ANAPC2: variants seen among roughly 807,000 people sequenced by gnomAD.
ANAPC2 encodes the protein anaphase-promoting complex subunit 2.
Under a neutral mutation model 84.3 loss-of-function variants are expected in ANAPC2, and 29 were observed. The ratio of observed to expected loss-of-function variants is 0.34; its 90% CI spans 0.26 to 0.47. The LOEUF is 0.47. Among genes scored for constraint, ANAPC2 ranks in the 20% least tolerant of loss-of-function variants. The probability of loss-of-function intolerance (pLI) is 1.00; values close to 1 mark genes in which losing one functional copy is unlikely to be tolerated. For missense variants in ANAPC2, 857 were observed against 1,131.7 expected (o/e 0.76, Z 3.48); for synonymous variants, 571 against 479.4 (o/e 1.19, Z -2.50).
chr9:137,184,831 G>A (rs924301358), intron 4 of ANAPC2, 82 bp downstream of exon 4: 4 of 1,535,954 alleles, frequency 2.6e-6, no homozygotes, highest in Non-Finnish European at 3.5e-6. Flanking sequence ...GAGCCCAGAT[G>A]CAGACACAGA....
At chr9:137,182,864 G>A (rs1037768584) in intron 6 of ANAPC2, among the ~76,000 whole-genome samples, 4 of 152,198 alleles carry the variant, frequency 2.6e-5, no homozygotes, top group African/African-American at 9.7e-5. Flanking sequence ...TGCTGGAGAT[G>A]GGGAGGCTGA....
Position 137,174,845 on chromosome 9 carries a change from G to C in ANAPC2, c.*97C>G, listed in dbSNP as rs1834170580. On this transcript the variant is annotated 3_prime_UTR_variant, in exon 13 of 13. Coordinates refer to ENST00000323927, the MANE Select transcript of ANAPC2 (RefSeq NM_013366.4). The surrounding 1 kb of genome is among the most constrained non-coding windows in gnomAD (Gnocchi z 6.1). The stretch of plus-strand genomic sequence containing the variant: ...GTGGGGGTGGGCATGCTCCTCAGCA[G>C]TGCATTCTGGGACACGGGCGGGCGG... 1 of 1,458,162 alleles carries C rather than the reference G, an allele frequency of 6.9e-7. No homozygotes were observed. The highest frequency in any genetic ancestry group is 1.4e-5 in the African/African-American group (1 of 70,532). 90.3% of individuals were successfully genotyped at this position (1,458,162 alleles called of 1,614,324 possible). A position where few individuals can be genotyped will look rare whatever the true frequency, so the allele number is the denominator to read the frequency against.
intron 6 of ANAPC2, among the ~76,000 whole-genome samples, chr9:137,182,434 G>A (rs546749206): frequency 4.6e-5 from 7 of 152,138 alleles, no homozygotes; most frequent in Admixed American, 2.0e-4. Context: ...GCGTGAACCC[G>A]GGAGGCGGAG....
At position 137,185,015 on chromosome 9, in the gene ANAPC2, C is replaced by T. The variant is rs765508257; in HGVS notation, c.946G>A (p.Glu316Lys). Residue 316 changes from glutamate (E) to lysine (K), a missense_variant, in exon 4 of 13, where the codon GAG becomes AAG. Around this residue, in one of 3 missense-constraint regions of ANAPC2, gnomAD observed 428 missense variants for 513.8 expected, o/e 0.83. Coordinates refer to ENST00000323927, the MANE Select transcript of ANAPC2 (RefSeq NM_013366.4). Reference protein sequence around the residue: ...QDGPARPASPEAGNTLRRWRC... With the variant: ...QDGPARPASPKAGNTLRRWRC... The stretch of plus-strand genomic sequence containing the variant: ...CAGCGGCGCAGGGTGTTGCCGGCCT[C>T]GGGAGATGCGGGCCTGGCGGGGCCG... 79 of 1,601,648 alleles carry T rather than the reference C, an allele frequency of 4.9e-5. 1 individual carries two copies. The South Asian group carries it at 5.3e-4, about 11-fold the overall frequency.
At position 137,174,849 on chromosome 9, in the gene ANAPC2, A is replaced by G. The variant is rs1450524404; in HGVS notation, c.*93T>C. On this transcript the variant is annotated 3_prime_UTR_variant, in exon 13 of 13. Transcript: ENST00000323927. This position sits in a 1 kb window ranked among gnomAD's most constrained non-coding sequence, Gnocchi z 6.1. ...GGGTGGGCATGCTCCTCAGCAGTGCATTCTGGGACACGGGCGGGCGGGGGC... is the reference window on the plus strand; with the variant it reads ...GGGTGGGCATGCTCCTCAGCAGTGCGTTCTGGGACACGGGCGGGCGGGGGC... The G allele has an allele frequency of 1.5e-6, 2 of 1,351,292 alleles. No homozygotes were observed. The highest frequency in any genetic ancestry group is 2.0e-6 in the Non-Finnish European group (2 of 1,022,278). 83.7% of individuals were successfully genotyped at this position (1,351,292 alleles called of 1,614,324 possible).
At position 137,175,381 on chromosome 9, in the gene ANAPC2, C is replaced by T. The variant is rs994184647; in HGVS notation, c.2112G>A (p.Val704=). 6.2e-7 allele frequency: 1 copy of T among 1,610,494 alleles called. No homozygotes were observed. The highest frequency in any genetic ancestry group is 8.5e-7 in the Non-Finnish European group (1 of 1,179,186). Residue 704 remains valine (V), a synonymous_variant, in exon 12 of 13, where the codon GTG becomes GTA. Transcript: ENST00000323927. The part of the protein sequence containing the change: ...RRMSVWLQQG[V]LREEPPGTFS... The stretch of plus-strand genomic sequence containing the variant: ...AGGTGCCGGGGGGCTCCTCACGCAG[C>T]ACACCCTGCTGCAGCCACACGGACA...
intron 2 of ANAPC2, chr9:137,186,898 C>T (rs1834483768): frequency 6.1e-6 from 1 of 164,524 alleles, no homozygotes; most frequent in South Asian, 1.6e-4. Flanking sequence ...CTTTAGTCCA[C>T]CTTTAGTCCA....
chr9:137,186,612 T>C lies in ANAPC2; in HGVS notation c.741-256A>G, dbSNP rs1834475377. On this transcript the variant is annotated intron_variant, in intron 2 of 12. Transcript: ENST00000323927. ...CTGGCCTCTATCCAGGTAGGGACAC[T>C]GGCCTTCCCCATGTGATCAGTGGCA... 6.0e-6 allele frequency: 3 copies of C among 501,494 alleles called. 1 individual carries two copies. The South Asian group carries it at 1.0e-4, about 17-fold the overall frequency. 31.1% of individuals were successfully genotyped at this position (501,494 alleles called of 1,614,324 possible).
rs184882714 is a variant in ANAPC2 at position 137,177,954 on chromosome 9, G to A, written c.1891-2117C>T. On this transcript the variant is annotated intron_variant, in intron 10 of 12. Coordinates refer to ENST00000323927, the MANE Select transcript of ANAPC2 (RefSeq NM_013366.4). ...GGAAGCAGCCTCCCCTAGAGCCTTC[G>A]GAGGGCCCTGCTGACCCTGACTTTA... Among the ~76,000 whole-genome samples, 24 of 152,278 alleles carry A rather than the reference G, an allele frequency of 1.6e-4. No individual in the cohort carries two copies. The East Asian group carries it at 4.4e-3, about 28-fold the overall frequency.
At chr9:137,177,007 G>C (rs1834234345) in intron 10 of ANAPC2, 1 of 152,252 alleles carries the variant, frequency 6.6e-6, no homozygotes, top group Non-Finnish European at 1.5e-5. Context: ...GGCTGGACCA[G>C]GGTTTGCTAG....
At chr9:137,185,151 C>A in intron 3 of ANAPC2, 64 bp from the exon 4 acceptor site, 1 of 1,431,108 alleles carries the variant, frequency 7.0e-7, no homozygotes. Context: ...GACTCAGAGG[C>A]TGGGAGGAGC....
intron 10 of ANAPC2, chr9:137,177,175 T>C (rs1588756628): frequency 2.6e-5 from 4 of 152,258 alleles, no homozygotes; most frequent in African/African-American, 9.6e-5. Flanking sequence ...CCCGCAGAAG[T>C]GCTGCCAGGC....
Position 137,186,367 on chromosome 9 carries a change from G to A in ANAPC2, c.741-11C>T, listed in dbSNP as rs1172034786. ...AGACTGAGCCTGTGTCTAGAGGAGAGCCCTGGCCATGGGGCACCCAGAGCA... is the reference window on the plus strand; with the variant it reads ...AGACTGAGCCTGTGTCTAGAGGAGAACCCTGGCCATGGGGCACCCAGAGCA... On this transcript the variant is annotated splice_polypyrimidine_tract_variant and intron_variant, in intron 2 of 12. Transcript: ENST00000323927. 1.9e-6 allele frequency: 3 copies of A among 1,592,136 alleles called. No individual in the cohort carries two copies. The highest frequency in any genetic ancestry group is 1.7e-5 in the Admixed American group (1 of 57,492).
At chr9:137,188,302 A>G in intron 1 of ANAPC2, 114 bp downstream of exon 1, 4 of 1,332,336 alleles carry the variant, frequency 3.0e-6, no homozygotes, top group Non-Finnish European at 4.1e-6. Flanking sequence ...AAATGGCAGG[A>G]CAGGACAGAG....
chr9:137,175,160 G>T lies in ANAPC2; in HGVS notation c.2257-6C>A. On this transcript the variant is annotated splice_polypyrimidine_tract_variant and splice_region_variant and intron_variant, in intron 12 of 12. Coordinates refer to ENST00000323927, the MANE Select transcript of ANAPC2 (RefSeq NM_013366.4). ...TGGATGTACGTCCAGAAGAGCTGCG[G>T]ACACAGGCCAGCCCCCGTCAGGCAC... The T allele has an allele frequency of 6.2e-7, 1 of 1,605,752 alleles. No homozygotes were observed. The highest frequency in any genetic ancestry group is 8.5e-7 in the Non-Finnish European group (1 of 1,176,884).
intron 10 of ANAPC2, among the ~76,000 whole-genome samples, chr9:137,178,075 G>A (rs1392335004): frequency 6.6e-6 from 1 of 152,242 alleles, no homozygotes; most frequent in Non-Finnish European, 1.5e-5. Context: ...CACCTGCTCT[G>A]TGGGCCAAGG....
At chr9:137,182,782 A>G (rs1408824487) in intron 6 of ANAPC2, among the ~76,000 whole-genome samples, 2 of 152,124 alleles carry the variant, frequency 1.3e-5, no homozygotes, top group East Asian at 3.9e-4. Flanking sequence ...AGCAGAGCCC[A>G]CTCCCCTTGC....
intron 7 of ANAPC2, 38 bp downstream of exon 7, chr9:137,181,643 C>T (rs924317463): frequency 3.9e-6 from 6 of 1,542,772 alleles, no homozygotes; most frequent in Non-Finnish European, 5.3e-6. Flanking sequence ...TGAAGCGCCC[C>T]CCACACTGGT....
intron 3 of ANAPC2, among the ~76,000 whole-genome samples, chr9:137,185,870 G>C (rs1418300351): frequency 6.6e-6 from 1 of 152,140 alleles, no homozygotes; most frequent in Non-Finnish European, 1.5e-5. Context: ...GGCCAAGCGA[G>C]TCCACACTCA....
Sources: gnomAD v4.1 joint callset for allele counts (sites outside exome capture counted in the v4.1 genomes callset) on GRCh38, gnomAD v4.1.1 for gene constraint, gnomAD v4.1.1 regional missense constraint, Gnocchi (gnomAD v3.1) non-coding constraint, MANE v1.5 for transcripts, NCBI Gene and HGNC (gene_info 2026-07-23, HGNC 2026-07-21) for gene names.